The following PPARGC1A variants were observed in gnomAD, a reference collection of about 807,000 sequenced individuals.
The protein encoded by PPARGC1A is peroxisome proliferator-activated receptor gamma coactivator 1-alpha.
PPARGC1A carries 25 observed loss-of-function variants against 88.7 expected under a neutral mutation model. The ratio of observed to expected loss-of-function variants is 0.28; its 90% CI spans 0.21 to 0.39. PPARGC1A has a LOEUF of 0.39. Among genes scored for constraint, PPARGC1A ranks in the 10% least tolerant of loss-of-function variants. PPARGC1A has a pLI of 1.00. For missense variants in PPARGC1A, 880 were observed against 968.7 expected (o/e 0.91, Z 1.22); for synonymous variants, 363 against 355.6 (o/e 1.02, Z -0.24).
At chr4:24,158,298 T>A in the PPARGC1A span, among the ~76,000 whole-genome samples, 1 of 152,114 alleles carries the variant, frequency 6.6e-6, no homozygotes, top group African/African-American at 2.4e-5. Flanking sequence ...CTGCTTTGCT[T>A]TTGTCAGACT....
Position 23,814,149 on chromosome 4 carries a change from G to A in PPARGC1A, c.1334C>T (p.Ser445Phe). ...RETLEASKQV[S>F]PCSTRKQLQD... Reference sequence around the variant, plus strand: ...GAGCTGTTTTCTTGTGCTGCAAGGAGAGACCTGCTTGCTTGCCTCCAAAGT... The same window carrying A: ...GAGCTGTTTTCTTGTGCTGCAAGGAAAGACCTGCTTGCTTGCCTCCAAAGT... Residue 445 changes from serine (S) to phenylalanine (F), a missense_variant, in exon 8 of 13, where the codon TCT becomes TTT. Transcript: ENST00000264867. The A allele has an allele frequency of 6.2e-7, 1 of 1,614,108 alleles. No individual in the cohort carries two copies. The highest frequency in any genetic ancestry group is 1.1e-5 in the South Asian group (1 of 91,080).
At chr4:24,170,038 A>T in the PPARGC1A span, among the ~76,000 whole-genome samples, 1 of 152,206 alleles carries the variant, frequency 6.6e-6, no homozygotes, top group Non-Finnish European at 1.5e-5. Flanking sequence ...CACTTTCCAC[A>T]ATAGGTGGCT....
the PPARGC1A span, among the ~76,000 whole-genome samples, chr4:24,083,136 C>T: frequency 6.6e-6 from 1 of 152,100 alleles, no homozygotes; most frequent in Admixed American, 6.5e-5. Context: ...TGGAACTGTC[C>T]TAGGCCCTGA....
At chr4:24,209,291 G>A in the PPARGC1A span, among the ~76,000 whole-genome samples, 1 of 152,288 alleles carries the variant, frequency 6.6e-6, no homozygotes, top group Middle Eastern at 3.4e-3. Context: ...GCTGCCTGAT[G>A]ACTTCTTCTT....
At chr4:24,029,439 T>G in the PPARGC1A span, among the ~76,000 whole-genome samples, 1 of 152,238 alleles carries the variant, frequency 6.6e-6, no homozygotes, top group Non-Finnish European at 1.5e-5. Context: ...TGATGGGATT[T>G]ATCAGAAGGT....
the PPARGC1A span, among the ~76,000 whole-genome samples, chr4:24,242,689 T>C: frequency 1.3e-5 from 2 of 152,188 alleles, no homozygotes; most frequent in Non-Finnish European, 2.9e-5. Context: ...GCCTTGATGT[T>C]AAGATAAAGA....
chr4:23,889,267 C>A (rs1388814101), intron 1 of PPARGC1A: 2 of 985,282 alleles, frequency 2.0e-6, no homozygotes, highest in Non-Finnish European at 2.4e-6. Context: ...CCGACGCGAA[C>A]GGAAAACCTT....
the PPARGC1A span, among the ~76,000 whole-genome samples, chr4:24,347,001 T>A: frequency 6.6e-6 from 1 of 152,192 alleles, no homozygotes; most frequent in Non-Finnish European, 1.5e-5. Context: ...AAGAATTTTT[T>A]AATTTCCATC....
At chr4:24,458,389 T>A in the PPARGC1A span, among the ~76,000 whole-genome samples, 604 of 152,210 alleles carry the variant, frequency 4.0e-3, 5 homozygotes, top group African/African-American at 0.014. Flanking sequence ...TAGTCCCAGC[T>A]ACTTGGGAGG....
chr4:24,434,356 A>G, the PPARGC1A span, among the ~76,000 whole-genome samples: 1 of 152,174 alleles, frequency 6.6e-6, no homozygotes. Flanking sequence ...AGCATGCCAC[A>G]TGTGACTCTG....
chr4:24,125,636 T>A, the PPARGC1A span, among the ~76,000 whole-genome samples: 1 of 152,074 alleles, frequency 6.6e-6, no homozygotes, highest in Non-Finnish European at 1.5e-5. Flanking sequence ...ACAAGAGAGA[T>A]CATCAATTTA....
chr4:23,840,064 G>A (rs965983813), intron 2 of PPARGC1A, among the ~76,000 whole-genome samples: 1 of 152,012 alleles, frequency 6.6e-6, no homozygotes, highest in Non-Finnish European at 1.5e-5. Context: ...CACAGAAGAC[G>A]AAGTGATCCT....
At chr4:23,832,691 G>A (rs1577436399) in intron 2 of PPARGC1A, among the ~76,000 whole-genome samples, 1 of 149,754 alleles carries the variant, frequency 6.7e-6, no homozygotes, top group South Asian at 2.1e-4. Flanking sequence ...CTCACTGCAA[G>A]CTCCGCCTCC....
chr4:24,010,063 G>C, the PPARGC1A span, among the ~76,000 whole-genome samples: 1 of 152,182 alleles, frequency 6.6e-6, no homozygotes, highest in Non-Finnish European at 1.5e-5. Flanking sequence ...AAGACATTGG[G>C]AGGCTACATT....
the PPARGC1A span, among the ~76,000 whole-genome samples, chr4:24,251,766 T>A: frequency 6.6e-6 from 1 of 152,192 alleles, no homozygotes; most frequent in African/African-American, 2.4e-5. Flanking sequence ...CAGGCCTGTC[T>A]GACTCCACAG....
At chr4:24,451,952 T>C in the PPARGC1A span, among the ~76,000 whole-genome samples, 3 of 152,324 alleles carry the variant, frequency 2.0e-5, no homozygotes, top group Admixed American at 1.3e-4. Flanking sequence ...TCTAGATGTT[T>C]CTGTGAAGGT....
chr4:23,913,273 G>T, the PPARGC1A span, among the ~76,000 whole-genome samples: 12,862 of 58,398 alleles, frequency 0.22, 505 homozygotes, highest in East Asian at 0.38. Flanking sequence ...TATATAGAGA[G>T]AGAGAGAGAG....
the PPARGC1A span, among the ~76,000 whole-genome samples, chr4:24,465,504 G>C: frequency 6.6e-6 from 1 of 152,160 alleles, no homozygotes; most frequent in Non-Finnish European, 1.5e-5. Flanking sequence ...GGCAAAGTGT[G>C]ATCATTGATT....
the PPARGC1A span, among the ~76,000 whole-genome samples, chr4:24,452,697 T>A: frequency 6.6e-6 from 1 of 152,238 alleles, no homozygotes; most frequent in Non-Finnish European, 1.5e-5. Context: ...TGGAATACTG[T>A]TCCATGTGCT....
Sources: allele counts gnomAD v4.1 joint callset (sites outside exome capture counted in the v4.1 genomes callset), GRCh38; gene constraint gnomAD v4.1.1; transcripts MANE v1.5; gene names NCBI Gene and HGNC (gene_info 2026-07-23, HGNC 2026-07-21).